ATRNL1: variants seen among roughly 807,000 people sequenced by gnomAD.
ATRNL1 encodes attractin like 1, also known as attractin-like protein 1.
A neutral mutation model predicts 182.7 loss-of-function variants in ATRNL1; 95 were observed. That is an observed-to-expected ratio of 0.52 (90% CI 0.44 to 0.62). The LOEUF (loss-of-function observed/expected upper bound fraction) is 0.62. ATRNL1 is among the 20% of genes least tolerant of loss of function. ATRNL1 has a pLI of 0.00. For synonymous variants in ATRNL1, 576 were observed against 568.3 expected, an observed-to-expected ratio of 1.01 and a Z score of -0.19; for missense variants, 1,471 against 1,679.5, an observed-to-expected ratio of 0.88 and a Z score of 2.17.
chr10:115,245,314 C>G (rs182350506), intron 10 of ATRNL1, among the ~76,000 whole-genome samples: 47 of 151,860 alleles, frequency 3.1e-4, no homozygotes, highest in Admixed American at 9.8e-4. Context: ...GCCTGACCAA[C>G]ATGGAGAAAC....
chr10:115,772,662 A>G (rs181703159), intron 27 of ATRNL1, among the ~76,000 whole-genome samples: 42 of 144,268 alleles, frequency 2.9e-4, no homozygotes, highest in Non-Finnish European at 2.4e-4. Context: ...TCCCTGGACA[A>G]TTTAAGTACA....
chr10:115,238,594 A>G (rs1349307288), intron 9 of ATRNL1, among the ~76,000 whole-genome samples: 1 of 152,126 alleles, frequency 6.6e-6, no homozygotes, highest in Non-Finnish European at 1.5e-5. Context: ...CAACCTTGCT[A>G]TGCTAGCTTA....
chr10:115,538,386 A>G (rs1219165021), intron 25 of ATRNL1, among the ~76,000 whole-genome samples: 1 of 152,192 alleles, frequency 6.6e-6, no homozygotes, highest in Non-Finnish European at 1.5e-5. Flanking sequence ...TATTTTAGCC[A>G]TTCTGATAAA....
intron 19 of ATRNL1, among the ~76,000 whole-genome samples, chr10:115,383,127 T>C (rs1048779035): frequency 6.8e-6 from 1 of 146,864 alleles, no homozygotes; most frequent in Non-Finnish European, 1.5e-5. Context: ...TTTTTTTTTT[T>C]CTCTCTCTAC....
At chr10:115,569,521 TG>T (rs2133858594) in intron 26 of ATRNL1, among the ~76,000 whole-genome samples, 1 of 152,268 alleles carries the variant, frequency 6.6e-6, no homozygotes, top group South Asian at 2.1e-4. Context: ...ACCTGCTAAG[TG>T]GGAAATGATG....
chr10:115,392,449 C>T (rs183164841), intron 19 of ATRNL1, among the ~76,000 whole-genome samples: 2 of 152,208 alleles, frequency 1.3e-5, no homozygotes, highest in African/African-American at 4.8e-5. Flanking sequence ...AATAATTAAA[C>T]TTGTCTAGAT....
intron 25 of ATRNL1, among the ~76,000 whole-genome samples, chr10:115,527,165 G>T (rs1851263216): frequency 6.8e-6 from 1 of 147,350 alleles, no homozygotes; most frequent in South Asian, 2.1e-4. Context: ...TGCCTCCCAG[G>T]CTGGAGTGTA....
chr10:115,501,200 C>T (rs1169290006), intron 24 of ATRNL1, among the ~76,000 whole-genome samples: 1 of 152,094 alleles, frequency 6.6e-6, no homozygotes, highest in Non-Finnish European at 1.5e-5. Flanking sequence ...TCCCAAAGTG[C>T]TGGGATTACA....
chr10:115,553,270 CA>C (rs1164997165), intron 26 of ATRNL1, among the ~76,000 whole-genome samples: 2 of 151,166 alleles, frequency 1.3e-5, no homozygotes, highest in African/African-American at 4.8e-5. Flanking sequence ...ACTTTAACTG[CA>C]AAATCTGTAG....
chr10:115,456,195 T>C (rs1847514752), intron 21 of ATRNL1, among the ~76,000 whole-genome samples: 6 of 152,198 alleles, frequency 3.9e-5, no homozygotes. Flanking sequence ...CATGTGTTTA[T>C]TGCAGCATTA....
chr10:115,722,195 T>G (rs1216145082), intron 26 of ATRNL1, among the ~76,000 whole-genome samples: 1 of 152,086 alleles, frequency 6.6e-6, no homozygotes, highest in Non-Finnish European at 1.5e-5. Context: ...TTTTTTTTTA[T>G]TTTTAAGTTA....
intron 28 of ATRNL1, among the ~76,000 whole-genome samples, chr10:115,868,827 T>TTTTTC: frequency 1.1e-5 from 1 of 94,338 alleles, no homozygotes; most frequent in African/African-American, 3.9e-5. Flanking sequence ...TTATTCTTTT[T>TTTTTC]TTTTTTTTTT....
intron 26 of ATRNL1, among the ~76,000 whole-genome samples, chr10:115,595,870 G>C (rs1856206776): frequency 1.3e-5 from 2 of 152,054 alleles, no homozygotes; most frequent in Admixed American, 1.3e-4. Flanking sequence ...TATATTTATT[G>C]TGAAATTGCT....
chr10:115,834,514 T>C (rs1950625867), intron 27 of ATRNL1, among the ~76,000 whole-genome samples: 1 of 152,190 alleles, frequency 6.6e-6, no homozygotes, highest in African/African-American at 2.4e-5. Context: ...TTTGTTTGCC[T>C]GTCTCTAGGC....
chr10:115,478,956 A>C (rs1175659424), intron 24 of ATRNL1, among the ~76,000 whole-genome samples: 7 of 151,662 alleles, frequency 4.6e-5, no homozygotes, highest in Non-Finnish European at 8.9e-5. Context: ...TATTCTGTAA[A>C]ACATTTTTAT....
intron 11 of ATRNL1, 90 bp downstream of exon 11, chr10:115,265,367 T>TA: frequency 1.4e-6 from 1 of 736,116 alleles, no homozygotes; most frequent in Non-Finnish European, 2.2e-6. Context: ...AAATTATCAT[T>TA]GGTACTTAAT....
chr10:115,900,757 C>T (rs1437959709), intron 28 of ATRNL1, among the ~76,000 whole-genome samples: 6 of 152,186 alleles, frequency 3.9e-5, no homozygotes, highest in African/African-American at 7.2e-5. Context: ...TCCAACATGA[C>T]GTTATACTGC....
intron 28 of ATRNL1, among the ~76,000 whole-genome samples, chr10:115,873,014 T>G (rs544405349): frequency 3.3e-5 from 5 of 152,354 alleles, no homozygotes; most frequent in Non-Finnish European, 7.3e-5. Context: ...TATTTCAGTT[T>G]CCTTTCTTTG....
intron 1 of ATRNL1, among the ~76,000 whole-genome samples, chr10:115,104,007 A>G (rs1843892731): frequency 6.6e-6 from 1 of 152,196 alleles, no homozygotes; most frequent in African/African-American, 2.4e-5. Context: ...AAAACATTGA[A>G]GTACAGCTGT....
Sources: gnomAD v4.1 joint callset for allele counts (sites outside exome capture counted in the v4.1 genomes callset) on GRCh38, gnomAD v4.1.1 for gene constraint, MANE v1.5 for transcripts, NCBI Gene and HGNC (gene_info 2026-07-23, HGNC 2026-07-21) for gene names.